Variants in KCND2 observed in about 807,000 individuals in gnomAD.
The protein encoded by KCND2 is A-type voltage-gated potassium channel KCND2.
KCND2 carries 16 observed loss-of-function variants against 54.4 expected under a neutral mutation model. That is an observed-to-expected ratio of 0.29 (90% CI 0.20 to 0.45). The LOEUF (loss-of-function observed/expected upper bound fraction) is 0.45. Among genes scored for constraint, KCND2 ranks in the 20% least tolerant of loss-of-function variants. KCND2 has a pLI of 1.00. For synonymous variants in KCND2, 317 were observed against 310.7 expected (o/e 1.02, Z -0.21); for missense variants, 486 against 824.2 (o/e 0.59, Z 5.02).
chr7:120,367,359 T>C (rs71569031), intron 1 of KCND2, among the ~76,000 whole-genome samples: 1 of 152,096 alleles, frequency 6.6e-6, no homozygotes, highest in African/African-American at 2.4e-5. Flanking sequence ...CTCTTCTGTT[T>C]CCTTTAAAAA....
chr7:120,356,163 C>T (rs1159032412), intron 1 of KCND2, among the ~76,000 whole-genome samples: 1 of 151,832 alleles, frequency 6.6e-6, no homozygotes, highest in East Asian at 1.9e-4. Context: ...AGGGAGGGCA[C>T]CTAATTTTTT....
intron 1 of KCND2, among the ~76,000 whole-genome samples, chr7:120,732,207 TA>T (rs1299838315): frequency 1.3e-5 from 2 of 152,006 alleles, no homozygotes; most frequent in Admixed American, 6.6e-5. Context: ...CTCTAAGGTT[TA>T]GAAATCAGAT....
intron 1 of KCND2, among the ~76,000 whole-genome samples, chr7:120,642,478 C>A (rs1793388825): frequency 6.6e-6 from 1 of 151,144 alleles, no homozygotes. Flanking sequence ...ACAAGAATCA[C>A]TTGAACCCGG....
At chr7:120,302,718 G>A (rs1185974111) in intron 1 of KCND2, among the ~76,000 whole-genome samples, 4 of 152,052 alleles carry the variant, frequency 2.6e-5, no homozygotes, top group Admixed American at 2.0e-4. Context: ...CTTCTTGTTA[G>A]GACTTGTGTA....
chr7:120,578,054 GAAGA>G (rs1466191565), intron 1 of KCND2, among the ~76,000 whole-genome samples: 6 of 151,778 alleles, frequency 4.0e-5, no homozygotes, highest in Non-Finnish European at 7.4e-5. Context: ...AGAAGAAGAA[GAAGA>G]AGAAGAACAA....
At chr7:120,636,940 G>A (rs1247636431) in intron 1 of KCND2, among the ~76,000 whole-genome samples, 1 of 151,992 alleles carries the variant, frequency 6.6e-6, no homozygotes, top group East Asian at 1.9e-4. Flanking sequence ...ACTATGAATG[G>A]GGAAACTGAC....
rs147582670 is a variant in KCND2, at chr7:120,386,953, G to A, written c.1115+111206G>A. The stretch of plus-strand genomic sequence containing the variant: ...CTTTATTCAGTGCAATTATTCCAGT[G>A]ATGGGACCACTCTAACAAAATTAAC... On this transcript the variant is annotated intron_variant, in intron 1 of 5. Coordinates refer to ENST00000331113, the MANE Select transcript of KCND2 (RefSeq NM_012281.3). 2.8e-3 allele frequency among the ~76,000 whole-genome samples: 426 copies of A among 152,232 alleles called. 2 individuals carry two copies. Among genetic ancestry groups the A allele is most frequent in the African/African-American group, 9.8e-3 (408 of 41,538 alleles).
chr7:120,725,563 G>T (rs1021872343), intron 1 of KCND2, among the ~76,000 whole-genome samples: 1 of 152,044 alleles, frequency 6.6e-6, no homozygotes, highest in Non-Finnish European at 1.5e-5. Context: ...TACTTTTCTC[G>T]CTCTCAGCTT....
chr7:120,318,576 C>G (rs973901567), intron 1 of KCND2, among the ~76,000 whole-genome samples: 1 of 151,986 alleles, frequency 6.6e-6, no homozygotes, highest in African/African-American at 2.4e-5. Flanking sequence ...GTTCATTTGG[C>G]CTGGAAAATT....
At chr7:120,629,690 T>C (rs535253735) in intron 1 of KCND2, among the ~76,000 whole-genome samples, 5 of 152,250 alleles carry the variant, frequency 3.3e-5, no homozygotes, top group African/African-American at 1.2e-4. Flanking sequence ...AGTTCAAGTG[T>C]GAGCAGTATT....
intron 1 of KCND2, among the ~76,000 whole-genome samples, chr7:120,652,816 A>G (rs1468537711): frequency 1.3e-5 from 2 of 152,236 alleles, no homozygotes; most frequent in East Asian, 3.9e-4. Flanking sequence ...CATGGATTAG[A>G]TCTGAAGAGA....
chr7:120,476,708 C>T (rs1479061309), intron 1 of KCND2, among the ~76,000 whole-genome samples: 1 of 152,100 alleles, frequency 6.6e-6, no homozygotes, highest in Non-Finnish European at 1.5e-5. Flanking sequence ...TCATCTTACT[C>T]CTACTTTCAA....
chr7:120,583,118 T>A (rs1365099925), intron 1 of KCND2, among the ~76,000 whole-genome samples: 6 of 152,148 alleles, frequency 3.9e-5, no homozygotes, highest in African/African-American at 1.4e-4. Flanking sequence ...TAGATACTTG[T>A]AATCACGAGG....
intron 1 of KCND2, among the ~76,000 whole-genome samples, chr7:120,443,649 T>G (rs1801976846): frequency 6.6e-6 from 1 of 151,988 alleles, no homozygotes; most frequent in Admixed American, 6.6e-5. Context: ...ATTCCAATAC[T>G]TTCAAAGACT....
At chr7:120,653,376 A>AC (rs1448106112) in intron 1 of KCND2, among the ~76,000 whole-genome samples, 2 of 151,858 alleles carry the variant, frequency 1.3e-5, no homozygotes, top group African/African-American at 2.4e-5. Flanking sequence ...ATTGAAAAGA[A>AC]CCCCCAGAGA....
At chr7:120,439,173 T>C (rs1471906246) in intron 1 of KCND2, among the ~76,000 whole-genome samples, 2 of 152,076 alleles carry the variant, frequency 1.3e-5, no homozygotes, top group Non-Finnish European at 2.9e-5. Context: ...TTTAAATTTA[T>C]ATTATATGTT....
intron 1 of KCND2, among the ~76,000 whole-genome samples, chr7:120,683,281 G>T (rs191903817): frequency 1.3e-5 from 2 of 152,154 alleles, no homozygotes; most frequent in East Asian, 3.9e-4. Flanking sequence ...GATGGAGGAG[G>T]TACTCCAGTC....
At chr7:120,581,344 G>T (rs1223394308) in intron 1 of KCND2, among the ~76,000 whole-genome samples, 1 of 152,140 alleles carries the variant, frequency 6.6e-6, no homozygotes, top group African/African-American at 2.4e-5. Flanking sequence ...TATATCATAG[G>T]ACGTTCTTAG....
intron 1 of KCND2, among the ~76,000 whole-genome samples, chr7:120,478,466 A>G (rs73435883): frequency 0.027 from 4,054 of 152,238 alleles, 161 homozygotes; most frequent in African/African-American, 0.091. Context: ...CTTGGAACCA[A>G]GCACTGCTAG....
Sources: gnomAD v4.1 joint callset for allele counts (sites outside exome capture counted in the v4.1 genomes callset) on GRCh38, gnomAD v4.1.1 for gene constraint, MANE v1.5 for transcripts, NCBI Gene and HGNC (gene_info 2026-07-23, HGNC 2026-07-21) for gene names.